Variants in NRG3 observed in about 807,000 individuals in gnomAD.
The protein encoded by NRG3 is pro-neuregulin-3, membrane-bound isoform.
NRG3 carries 31 observed loss-of-function variants against 66.9 expected under a neutral mutation model. The observed-to-expected ratio is 0.46, with a 90% CI of 0.35 to 0.63. The LOEUF (loss-of-function observed/expected upper bound fraction) is 0.63, where lower values mean the gene tolerates loss of function less well. Among genes scored for constraint, NRG3 ranks in the 20% least tolerant of loss-of-function variants. The pLI, the probability that NRG3 is intolerant of heterozygous loss-of-function variation, is 0.00. For missense variants in NRG3, 910 were observed against 878.9 expected, an observed-to-expected ratio of 1.04 and a Z score of -0.45; for synonymous variants, 393 against 359.4, an observed-to-expected ratio of 1.09 and a Z score of -1.06.
At chr10:82,486,022 A>G (rs937963534) in intron 2 of NRG3, among the ~76,000 whole-genome samples, 4 of 152,224 alleles carry the variant, frequency 2.6e-5, no homozygotes, top group African/African-American at 7.2e-5. Context: ...AATGCATACA[A>G]ATGTCCCACA....
intron 1 of NRG3, among the ~76,000 whole-genome samples, chr10:82,291,155 AACACACAC>A (rs139150473): frequency 1.3e-5 from 2 of 150,372 alleles, no homozygotes; most frequent in African/African-American, 4.9e-5. Context: ...CAAGATTAAC[AACACACAC>A]ACACACACAC....
At chr10:81,953,070 T>C (rs180747539) in intron 1 of NRG3, among the ~76,000 whole-genome samples, 19 of 152,288 alleles carry the variant, frequency 1.2e-4, no homozygotes, top group Admixed American at 9.1e-4. Flanking sequence ...GACAGGGGAC[T>C]TAGGGGCTCA....
chr10:82,334,413 A>G (rs914690761), intron 1 of NRG3, among the ~76,000 whole-genome samples: 4 of 152,206 alleles, frequency 2.6e-5, no homozygotes, highest in Admixed American at 6.5e-5. Context: ...GATAAGGGCT[A>G]TGACAAAAGG....
At chr10:81,968,107 G>A (rs2133343776) in intron 1 of NRG3, among the ~76,000 whole-genome samples, 1 of 152,304 alleles carries the variant, frequency 6.6e-6, no homozygotes, top group Non-Finnish European at 1.5e-5. Context: ...AGTGGAAAGA[G>A]GGGCCCCTGC....
chr10:82,554,465 G>A (rs1182789231), intron 2 of NRG3, among the ~76,000 whole-genome samples: 2 of 152,116 alleles, frequency 1.3e-5, no homozygotes, highest in African/African-American at 4.8e-5. Flanking sequence ...CTACTCTGAA[G>A]CATTTGCAAT....
At chr10:82,907,346 T>G (rs1452363998) in intron 4 of NRG3, among the ~76,000 whole-genome samples, 1 of 152,220 alleles carries the variant, frequency 6.6e-6, no homozygotes, top group East Asian at 1.9e-4. Context: ...TGAAGCTATA[T>G]TATGATTTTA....
At chr10:82,835,090 A>G (rs904838204) in intron 3 of NRG3, among the ~76,000 whole-genome samples, 4 of 152,218 alleles carry the variant, frequency 2.6e-5, no homozygotes, top group Admixed American at 1.3e-4. Flanking sequence ...TCATCATGCC[A>G]TTTTCATCTG....
chr10:81,918,980 CACACACACACACACAT>C (rs2132845689), intron 1 of NRG3, among the ~76,000 whole-genome samples: 1 of 150,776 alleles, frequency 6.6e-6, no homozygotes, highest in South Asian at 2.1e-4. Flanking sequence ...ACAAAACACA[CACACACACACACACAT>C]ACATACACAC....
At chr10:82,265,052 G>T (rs1229644945) in intron 1 of NRG3, among the ~76,000 whole-genome samples, 2 of 152,018 alleles carry the variant, frequency 1.3e-5, no homozygotes, top group African/African-American at 2.4e-5. Flanking sequence ...GAGAATGAGG[G>T]GTGTGTGTGT....
At chr10:82,465,960 A>G (rs969287914) in intron 2 of NRG3, among the ~76,000 whole-genome samples, 2 of 152,122 alleles carry the variant, frequency 1.3e-5, no homozygotes, top group African/African-American at 2.4e-5. Context: ...CAGCTTCTTT[A>G]GAGGCCTGAT....
intron 1 of NRG3, among the ~76,000 whole-genome samples, chr10:82,090,745 C>A (rs932068276): frequency 7.4e-5 from 5 of 67,796 alleles, no homozygotes; most frequent in African/African-American, 2.7e-4. Flanking sequence ...GACTTATTAC[C>A]ATTTGAACTC....
chr10:82,329,286 C>G (rs577395509), intron 1 of NRG3, among the ~76,000 whole-genome samples: 1 of 152,072 alleles, frequency 6.6e-6, no homozygotes, highest in Admixed American at 6.5e-5. Context: ...CCATTGTGCT[C>G]TTTTATAAAA....
chr10:82,316,946 C>T (rs1376567425), intron 1 of NRG3, among the ~76,000 whole-genome samples: 1 of 152,174 alleles, frequency 6.6e-6, no homozygotes, highest in East Asian at 1.9e-4. Flanking sequence ...TTGAGACCCT[C>T]TCCTCTTCAG....
chr10:82,463,002 T>A (rs991181792), intron 2 of NRG3, among the ~76,000 whole-genome samples: 3 of 152,228 alleles, frequency 2.0e-5, no homozygotes, highest in Admixed American at 6.5e-5. Context: ...CTCTTCATTA[T>A]CTGTCCACCT....
chr10:82,921,059 A>G (rs1033657803), intron 4 of NRG3, among the ~76,000 whole-genome samples: 4 of 148,120 alleles, frequency 2.7e-5, no homozygotes, highest in Non-Finnish European at 4.5e-5. Context: ...ATGGAAACAG[A>G]AAAAAAAAAA....
chr10:82,442,784 A>AT (rs61261285), intron 2 of NRG3, among the ~76,000 whole-genome samples: 3,804 of 54,114 alleles, frequency 0.07, 724 homozygotes, highest in Non-Finnish European at 0.091. Context: ...TTCTGTGTGG[A>AT]TTTTTTTTTT....
In NRG3 at chr10:82,722,178, C is replaced by T. The variant is rs140170465; in HGVS notation, c.954-16399C>T. Among the ~76,000 whole-genome samples, 16 of 152,208 alleles carry T rather than the reference C, an allele frequency of 1.1e-4. No homozygotes were observed. The East Asian group carries it at 2.9e-3, about 28-fold the overall frequency. ...GAACATGTGGGGCCTGGTTGTTGTT[C>T]GACCCCTTATGCCCTTTGATGTCTT... is the stretch of plus-strand genomic sequence containing the variant. On this transcript the variant is annotated intron_variant, in intron 2 of 8. Coordinates refer to ENST00000372141, the MANE Select transcript of NRG3 (RefSeq NM_001010848.4).
At chr10:82,314,082 T>A (rs2081175535) in intron 1 of NRG3, among the ~76,000 whole-genome samples, 3 of 152,222 alleles carry the variant, frequency 2.0e-5, no homozygotes, top group Admixed American at 2.0e-4. Flanking sequence ...AGGATCATAA[T>A]AGAACCTACT....
At chr10:82,962,292 C>T (rs1209675410) in intron 6 of NRG3, among the ~76,000 whole-genome samples, 1 of 152,136 alleles carries the variant, frequency 6.6e-6, no homozygotes, top group Non-Finnish European at 1.5e-5. Flanking sequence ...CTAGAACCTT[C>T]AAGGCAAAGG....
Sources: gnomAD v4.1 joint callset for allele counts (sites outside exome capture counted in the v4.1 genomes callset) on GRCh38, gnomAD v4.1.1 for gene constraint, MANE v1.5 for transcripts, NCBI Gene and HGNC (gene_info 2026-07-23, HGNC 2026-07-21) for gene names.